CHIC1: variants seen among roughly 807,000 people sequenced by gnomAD.
CHIC1 encodes the protein cysteine-rich hydrophobic domain-containing protein 1.
In CHIC1, 7 loss-of-function variants were observed where a neutral mutation model predicts 18.5. The ratio of observed to expected loss-of-function variants is 0.38; its 90% CI spans 0.22 to 0.71. The LOEUF (loss-of-function observed/expected upper bound fraction) is 0.71, where lower values mean the gene tolerates loss of function less well. CHIC1 is among the 30% of genes least tolerant of loss of function. CHIC1 has a pLI of 0.49. For missense variants in CHIC1, 159 were observed against 176.9 expected, an observed-to-expected ratio of 0.90 and a Z score of 0.57; for synonymous variants, 77 against 73.5, an observed-to-expected ratio of 1.05 and a Z score of -0.25.
At chrX:73,650,362 C>CA (rs957713905) in intron 3 of CHIC1, among the ~76,000 whole-genome samples, 4 of 110,016 alleles carry the variant, frequency 3.6e-5, no homozygotes, top group Admixed American at 1.9e-4. Context: ...GATAGAGACA[C>CA]AAAAAAACCC....
chrX:73,645,211 A>G (rs1167654650), intron 3 of CHIC1, among the ~76,000 whole-genome samples: 1 of 112,322 alleles, frequency 8.9e-6, no homozygotes, highest in Non-Finnish European at 1.9e-5. Context: ...AATGTCTTTC[A>G]GGCTATCTAT....
intron 3 of CHIC1, among the ~76,000 whole-genome samples, chrX:73,668,626 C>T (rs1296226986): frequency 5.4e-5 from 6 of 111,175 alleles, no homozygotes; most frequent in Non-Finnish European, 1.1e-4. Context: ...TGCTGGGGGT[C>T]CGCTCTAGAC....
chrX:73,568,737 C>G (rs1384000155), intron 1 of CHIC1, among the ~76,000 whole-genome samples: 1 of 111,439 alleles, frequency 9.0e-6, no homozygotes, highest in East Asian at 2.8e-4. Flanking sequence ...TACTGATCCT[C>G]AGAGGCTCAT....
At chrX:73,647,200 T>C (rs2147605720) in intron 3 of CHIC1, among the ~76,000 whole-genome samples, 1 of 112,161 alleles carries the variant, frequency 8.9e-6, no homozygotes, top group East Asian at 2.8e-4. Flanking sequence ...ATCCCACTTA[T>C]AAATCCATGC....
intron 1 of CHIC1, among the ~76,000 whole-genome samples, chrX:73,572,874 G>C (rs779588787): frequency 9.0e-6 from 1 of 110,933 alleles, no homozygotes; most frequent in African/African-American, 3.3e-5. Context: ...TACATAGATC[G>C]TGGATATTTT....
intron 3 of CHIC1, among the ~76,000 whole-genome samples, chrX:73,675,000 G>T (rs2058054011): frequency 1.8e-5 from 2 of 112,111 alleles, no homozygotes; most frequent in Admixed American, 9.5e-5. Flanking sequence ...TTACCCAGTA[G>T]TCATTCAGGA....
intron 3 of CHIC1, among the ~76,000 whole-genome samples, chrX:73,677,172 G>A (rs750995734): frequency 1.8e-5 from 2 of 112,029 alleles, no homozygotes; most frequent in East Asian, 2.8e-4. Flanking sequence ...TAGGCTACTC[G>A]GGGGTCAGGG....
intron 3 of CHIC1, among the ~76,000 whole-genome samples, chrX:73,643,324 G>A (rs1317194124): frequency 9.3e-6 from 1 of 108,050 alleles, no homozygotes; most frequent in African/African-American, 3.3e-5. Context: ...TTCAACTTTG[G>A]TGAATCTGAC....
At chrX:73,645,091 G>C (rs1052402963) in intron 3 of CHIC1, among the ~76,000 whole-genome samples, 1 of 112,327 alleles carries the variant, frequency 8.9e-6, no homozygotes, top group Non-Finnish European at 1.9e-5. Context: ...GACCAGAGCT[G>C]TTCCTATTCG....
chrX:73,589,863 A>C (rs955689735), intron 3 of CHIC1, among the ~76,000 whole-genome samples: 19 of 111,094 alleles, frequency 1.7e-4, no homozygotes, highest in Non-Finnish European at 3.2e-4. Context: ...TGCTCAGTAT[A>C]GAATTTTTGG....
intron 1 of CHIC1, among the ~76,000 whole-genome samples, chrX:73,567,219 A>G (rs941497701): frequency 3.6e-5 from 4 of 110,453 alleles, no homozygotes; most frequent in African/African-American, 1.3e-4. Context: ...ATGGCTCCCA[A>G]GTAGGGATTT....
At chrX:73,603,315 A>T (rs1354280401) in intron 3 of CHIC1, among the ~76,000 whole-genome samples, 1 of 108,011 alleles carries the variant, frequency 9.3e-6, no homozygotes, top group Non-Finnish European at 1.9e-5. Context: ...TATTATTGGT[A>T]TATAGGAATG....
At chrX:73,617,169 T>A (rs1205672246) in intron 3 of CHIC1, among the ~76,000 whole-genome samples, 2 of 111,760 alleles carry the variant, frequency 1.8e-5, no homozygotes, top group Non-Finnish European at 3.8e-5. Context: ...GTTTCACAAA[T>A]CTCTAGGATA....
At chrX:73,603,477 T>C (rs1465119528) in intron 3 of CHIC1, among the ~76,000 whole-genome samples, 1 of 108,084 alleles carries the variant, frequency 9.3e-6, no homozygotes, top group Non-Finnish European at 1.9e-5. Flanking sequence ...CTCTTCCTGT[T>C]TGAATACCCT....
intron 3 of CHIC1, among the ~76,000 whole-genome samples, chrX:73,639,628 C>T (rs767284108): frequency 9.0e-6 from 1 of 111,334 alleles, no homozygotes; most frequent in South Asian, 3.7e-4. Flanking sequence ...GATTATCTTC[C>T]AGTGTTTTAA....
chrX:73,665,440 G>A (rs2057999799), intron 3 of CHIC1, among the ~76,000 whole-genome samples: 1 of 111,373 alleles, frequency 9.0e-6, no homozygotes, highest in South Asian at 3.8e-4. Context: ...GGAATCATGG[G>A]TTATGGGAAA....
At chrX:73,674,602 C>T (rs1397569836) in intron 3 of CHIC1, among the ~76,000 whole-genome samples, 2 of 111,537 alleles carry the variant, frequency 1.8e-5, no homozygotes, top group African/African-American at 6.5e-5. Context: ...TTTTTTATTG[C>T]ATCTGTTTGA....
chrX:73,629,120 C>G (rs1283021400), intron 3 of CHIC1, among the ~76,000 whole-genome samples: 1 of 111,071 alleles, frequency 9.0e-6, no homozygotes, highest in Non-Finnish European at 1.9e-5. Context: ...ATTTATATGT[C>G]TTTTTTCTTT....
intron 3 of CHIC1, among the ~76,000 whole-genome samples, chrX:73,661,133 G>C (rs1235262238): frequency 8.9e-6 from 1 of 111,922 alleles, no homozygotes; most frequent in Non-Finnish European, 1.9e-5. Context: ...GAAATTGTGA[G>C]CTGGCATAAG....
Sources: gnomAD v4.1 joint callset for allele counts (sites outside exome capture counted in the v4.1 genomes callset) on GRCh38, gnomAD v4.1.1 for gene constraint, MANE v1.5 for transcripts, NCBI Gene and HGNC (gene_info 2026-07-23, HGNC 2026-07-21) for gene names.